Variants in ANXA1 observed in about 807,000 individuals in gnomAD.
The protein encoded by ANXA1 is annexin A1.
Under a neutral mutation model 47.9 loss-of-function variants are expected in ANXA1, and 39 were observed. The ratio of observed to expected loss-of-function variants is 0.81; its 90% CI spans 0.63 to 1.06. The LOEUF is 1.06. Among genes scored for constraint, ANXA1 ranks in the 50% least tolerant of loss-of-function variants. The probability of loss-of-function intolerance (pLI) is 0.00; values close to 1 mark genes in which losing one functional copy is unlikely to be tolerated. For synonymous variants in ANXA1, 146 were observed against 142.5 expected, an observed-to-expected ratio of 1.02 and a Z score of -0.17; for missense variants, 446 against 422.7, an observed-to-expected ratio of 1.06 and a Z score of -0.48.
At chr9:73,164,224 C>T (rs1489744752) in intron 8 of ANXA1, among the ~76,000 whole-genome samples, 1 of 152,048 alleles carries the variant, frequency 6.6e-6, no homozygotes, top group Non-Finnish European at 1.5e-5. Context: ...TTTGTGCACC[C>T]CCATCCACTT....
chr9:73,154,127 G>A (rs1459546706), intron 1 of ANXA1: 3 of 345,998 alleles, frequency 8.7e-6, no homozygotes, highest in African/African-American at 2.2e-5. Context: ...AAACATTAGT[G>A]AGGCTACCTT....
chr9:73,165,312 A>T, intron 9 of ANXA1, 103 bp downstream of exon 9: 1 of 833,718 alleles, frequency 1.2e-6, no homozygotes, highest in Non-Finnish European at 1.9e-6. Context: ...TTTCAATATC[A>T]CTCCTGTATC....
At chr9:73,164,727 G>T (rs1176231765) in intron 8 of ANXA1, among the ~76,000 whole-genome samples, 2 of 152,102 alleles carry the variant, frequency 1.3e-5, no homozygotes, top group Admixed American at 6.6e-5. Flanking sequence ...CAAAATGCAA[G>T]GTCCAGGTTA....
chr9:73,159,918 C>T (rs184041204), intron 4 of ANXA1: 1 of 166,268 alleles, frequency 6.0e-6, no homozygotes, highest in Non-Finnish European at 1.3e-5. Context: ...AGATTGGAAA[C>T]ATGAATATAT....
At chr9:73,160,180 T>C (rs1824113522) in intron 4 of ANXA1, 83 bp from the exon 5 acceptor site, 1 of 907,318 alleles carries the variant, frequency 1.1e-6, no homozygotes, top group South Asian at 1.8e-5. Flanking sequence ...AGTTGTACGA[T>C]GACCTAAAGT....
intron 6 of ANXA1, among the ~76,000 whole-genome samples, chr9:73,161,510 G>T (rs1013597771): frequency 6.6e-6 from 1 of 152,068 alleles, no homozygotes; most frequent in African/African-American, 2.4e-5. Flanking sequence ...TGAAAAGAGG[G>T]TAATTGCAAG....
chr9:73,162,072 G>T (rs1012868794), intron 6 of ANXA1, among the ~76,000 whole-genome samples: 1 of 152,070 alleles, frequency 6.6e-6, no homozygotes, highest in Non-Finnish European at 1.5e-5. Context: ...AAAAGGAGGT[G>T]CCAGGCTCTT....
chr9:73,156,171 A>AAAT (rs1019765899), intron 1 of ANXA1, among the ~76,000 whole-genome samples: 265 of 119,918 alleles, frequency 2.2e-3, no homozygotes, highest in African/African-American at 3.2e-3. Flanking sequence ...ATAAATAAAT[A>AAAT]AAATAAATAA....
At chr9:73,166,075 T>G in intron 9 of ANXA1, 22 bp from the exon 10 acceptor site, 2 of 1,560,308 alleles carry the variant, frequency 1.3e-6, no homozygotes, top group Non-Finnish European at 1.8e-6. Context: ...TGCATGTATC[T>G]TAGTTTGAAT....
Position 73,158,578 on chromosome 9 carries a change from G to T in ANXA1, c.43G>T (p.Glu15Ter). The change falls in exon 2 of 13, where the codon GAA becomes TAA. Residue 15 changes from glutamate to a stop codon, truncating the protein, a stop_gained. Transcript: ENST00000257497. LOFTEE classifies it high-confidence loss of function. ...SEFLKQAWFI[E>*]NEEQEYVQTV... ...ATTCCTCAAGCAGGCCTGGTTTATT[G>T]AAAATGAAGAGCAGGAATATGTTGT... 1 of 1,613,624 alleles carries T rather than the reference G, an allele frequency of 6.2e-7. No individual in the cohort carries two copies. Among genetic ancestry groups the T allele is most frequent in the South Asian group, 1.1e-5 (1 of 91,062 alleles).
In ANXA1 at chr9:73,169,096, A is replaced by T; in HGVS notation, c.926A>T (p.Asn309Ile). ...IMVSRSEIDM[N>I]DIKAFYQKMY... is the part of the protein sequence containing the mutation. Reference sequence around the variant, plus strand: ...GTTTCCCGTTCTGAAATTGACATGAATGATATCAAAGCATTCTATCAGAAG... The same window carrying T: ...GTTTCCCGTTCTGAAATTGACATGATTGATATCAAAGCATTCTATCAGAAG... The change falls in exon 12 of 13, where the codon AAT becomes ATT. Residue 309 changes from asparagine to isoleucine, a missense_variant. By Grantham distance (149) the Asn-to-Ile change is moderately radical (BLOSUM62 -3). Transcript: ENST00000257497. The T allele has an allele frequency of 6.2e-7, 1 of 1,613,508 alleles. No homozygotes were observed. Among genetic ancestry groups the T allele is most frequent in the Non-Finnish European group, 8.5e-7 (1 of 1,179,578 alleles).
Position 73,170,106 on chromosome 9 carries a change from A to C in ANXA1, c.1040A>C (p.Ter347SerextTer4). 6.2e-7 allele frequency: 1 copy of C among 1,604,250 alleles called. No individual in the cohort carries two copies. Among genetic ancestry groups the C allele is most frequent in the Non-Finnish European group, 8.5e-7 (1 of 1,174,278 alleles). Reference sequence around the variant, plus strand: ...CTGGTGGCTCTTTGTGGAGGAAACTAAACATTCCCTTGATGGTCTCAAGCT... The same window carrying C: ...CTGGTGGCTCTTTGTGGAGGAAACTCAACATTCCCTTGATGGTCTCAAGCT... The part of the protein sequence containing the change: ...KILVALCGGN[*>S] Residue 347 changes from the stop codon to serine, a stop_lost, in exon 13 of 13, where the codon TAA becomes TCA. Coordinates refer to ENST00000257497, the MANE Select transcript of ANXA1 (RefSeq NM_000700.3).
At chr9:73,164,298 C>T (rs988311425) in intron 8 of ANXA1, among the ~76,000 whole-genome samples, 1 of 152,104 alleles carries the variant, frequency 6.6e-6, no homozygotes, top group Admixed American at 6.6e-5. Context: ...TCAACAAATG[C>T]ATACATATCA....
chr9:73,161,425 C>A (rs2118154449), intron 6 of ANXA1, among the ~76,000 whole-genome samples: 1 of 152,178 alleles, frequency 6.6e-6, no homozygotes, highest in African/African-American at 2.4e-5. Flanking sequence ...TAGTTAAATT[C>A]ACAGAATAAA....
intron 10 of ANXA1, among the ~76,000 whole-genome samples, chr9:73,166,807 C>T (rs1824237253): frequency 2.0e-5 from 3 of 152,124 alleles, no homozygotes; most frequent in Admixed American, 6.6e-5. Context: ...GCTTTTCTAA[C>T]AAGCTCCCCA....
intron 1 of ANXA1, among the ~76,000 whole-genome samples, chr9:73,155,602 T>C (rs975769464): frequency 6.6e-6 from 1 of 152,230 alleles, no homozygotes; most frequent in East Asian, 1.9e-4. Context: ...CTGTTTCCTT[T>C]AGAGCAATTT....
At position 73,170,159 on chromosome 9, in the gene ANXA1, T is replaced by C; in HGVS notation, c.*52T>C. The C allele has an allele frequency of 6.7e-7, 1 of 1,495,520 alleles. No homozygotes were observed. The highest frequency in any genetic ancestry group is 9.1e-7 in the Non-Finnish European group (1 of 1,095,304). The allele number at this position is 1,495,520 out of a possible 1,614,324, so 92.6% of individuals were successfully genotyped here. On this transcript the variant is annotated 3_prime_UTR_variant, in exon 13 of 13. Coordinates refer to ENST00000257497, the MANE Select transcript of ANXA1 (RefSeq NM_000700.3). The stretch of plus-strand genomic sequence containing the variant: ...GATCAGAAGACTTTAATTATATATT[T>C]TCATCCTATAAGCTTAAATAGGAAA...
intron 10 of ANXA1, 67 bp downstream of exon 10, chr9:73,166,259 TAACAAG>T: frequency 8.8e-7 from 1 of 1,136,978 alleles, no homozygotes; most frequent in South Asian, 1.4e-5. Flanking sequence ...ATCCTATACT[TAACAAG>T]AACAACAGCA....
chr9:73,159,479 T>C, intron 4 of ANXA1, 56 bp downstream of exon 4: 1 of 1,493,606 alleles, frequency 6.7e-7, no homozygotes. Context: ...TACTTAACCA[T>C]GGATTCGGAA....
Sources: gnomAD v4.1 joint callset for allele counts (sites outside exome capture counted in the v4.1 genomes callset) on GRCh38, gnomAD v4.1.1 for gene constraint, MANE v1.5 for transcripts, NCBI Gene and HGNC (gene_info 2026-07-23, HGNC 2026-07-21) for gene names.